Variants in AATF observed in about 807,000 individuals in gnomAD.
The protein encoded by AATF is protein AATF.
A neutral mutation model predicts 63.7 loss-of-function variants in AATF; 48 were observed. The ratio of observed to expected loss-of-function variants is 0.75; its 90% CI spans 0.60 to 0.96. AATF has a LOEUF of 0.96. Ranked by LOEUF, AATF falls within the 40% of genes least tolerant of loss-of-function variation. The pLI, the probability that AATF is intolerant of heterozygous loss-of-function variation, is 0.00. For missense variants in AATF, 639 were observed against 685.7 expected (o/e 0.93, Z 0.76); for synonymous variants, 258 against 247.7 (o/e 1.04, Z -0.39).
intron 11 of AATF, chr17:37,045,714 G>A (rs1167640834): frequency 6.6e-6 from 1 of 152,310 alleles, no homozygotes; most frequent in African/African-American, 2.4e-5. Flanking sequence ...TTCAGGGGAA[G>A]AAATGCAAAC....
intron 11 of AATF, chr17:37,056,174 C>T: frequency 6.2e-6 from 1 of 161,430 alleles, no homozygotes; most frequent in Non-Finnish European, 1.4e-5. Flanking sequence ...AATCGTGTTG[C>T]TGGCTCATTT....
chr17:37,054,460 T>A (rs1174129174), intron 11 of AATF: 1 of 152,230 alleles, frequency 6.6e-6, no homozygotes, highest in Non-Finnish European at 1.5e-5. Context: ...AATAATCCCC[T>A]ATTGATATTC....
In AATF at chr17:37,020,925, AT is replaced by A. The variant is rs150426401; in HGVS notation, c.1467-5del. 2.8e-4 allele frequency: 445 copies of A among 1,608,546 alleles called. 2 individuals are homozygous for A. In the African/African-American group the frequency reaches 5.6e-3, roughly 20 times the overall value. ...TGATGATGCATAACATTGCTTGTGAATTTTCCAGGCAGTGGCTTGCAATCCA... is the reference window on the plus strand; with the variant it reads ...TGATGATGCATAACATTGCTTGTGAATTTCCAGGCAGTGGCTTGCAATCCA... On this transcript the variant is annotated splice_polypyrimidine_tract_variant and splice_region_variant and intron_variant, in intron 9 of 11. Transcript: ENST00000619387.
intron 9 of AATF, 77 bp downstream of exon 9, chr17:37,019,149 C>A: frequency 8.5e-7 from 1 of 1,174,570 alleles, no homozygotes; most frequent in Non-Finnish European, 1.3e-6. Flanking sequence ...TTAATTCTAC[C>A]TGCAAAGCAA....
chr17:36,965,134 C>G (rs1385469125), intron 4 of AATF, among the ~76,000 whole-genome samples: 1 of 152,178 alleles, frequency 6.6e-6, no homozygotes, highest in Non-Finnish European at 1.5e-5. Flanking sequence ...TACTGGTTTC[C>G]TCTTGCTGCT....
chr17:36,958,656 C>G (rs2070921689), intron 4 of AATF, among the ~76,000 whole-genome samples: 1 of 152,154 alleles, frequency 6.6e-6, no homozygotes, highest in Non-Finnish European at 1.5e-5. Context: ...CCTTCACCAG[C>G]TTAAGCAATA....
intron 9 of AATF, among the ~76,000 whole-genome samples, chr17:37,019,489 CTCCACCTCT>C (rs1174573524): frequency 6.6e-6 from 1 of 152,162 alleles, no homozygotes; most frequent in African/African-American, 2.4e-5. Flanking sequence ...TAATTTAGAC[CTCCACCTCT>C]TCAGTAAAAG....
In AATF at chr17:36,988,620, G is replaced by A; in HGVS notation, c.1049G>A (p.Ser350Asn). The A allele has an allele frequency of 3.7e-6, 6 of 1,614,174 alleles. No individual in the cohort carries two copies. Among genetic ancestry groups the A allele is most frequent in the South Asian group, 3.3e-5 (3 of 91,082 alleles). The change falls in exon 6 of 12, where the codon AGC (serine) becomes AAC (asparagine). Residue 350 changes from serine to asparagine, a missense_variant. By Grantham distance (46) the Ser-to-Asn change is conservative (BLOSUM62 1). Transcript: ENST00000619387. ...KRKLEMEDYP[S>N]FMAKRFADFT... Reference sequence around the variant, plus strand: ...AAGCTGGAGATGGAGGACTATCCCAGCTTCATGGCAAAGCGCTTTGCCGAC... The same window carrying A: ...AAGCTGGAGATGGAGGACTATCCCAACTTCATGGCAAAGCGCTTTGCCGAC...
intron 7 of AATF, among the ~76,000 whole-genome samples, chr17:36,990,192 C>T (rs891165132): frequency 3.3e-5 from 5 of 152,054 alleles, no homozygotes; most frequent in Non-Finnish European, 7.4e-5. Context: ...AGTCTTGCAA[C>T]TTTTAAAATC....
chr17:36,989,414 A>C lies in AATF; in HGVS notation c.1314+3A>C. 6.2e-7 allele frequency: 1 copy of C among 1,611,246 alleles called. No homozygotes were observed. Among genetic ancestry groups the C allele is most frequent in the Non-Finnish European group, 8.5e-7 (1 of 1,178,236 alleles). The stretch of plus-strand genomic sequence containing the variant: ...CAGAGAGTTTGCCAGGGGAACCGGT[A>C]AGAACTCTGTAATGCAGAGTGATTA... On this transcript the variant is annotated splice_donor_region_variant and intron_variant, in intron 7 of 11. Coordinates refer to ENST00000619387, the MANE Select transcript of AATF (RefSeq NM_012138.4).
intron 11 of AATF, among the ~76,000 whole-genome samples, chr17:37,046,273 G>T (rs2071689689): frequency 6.6e-6 from 1 of 152,098 alleles, no homozygotes; most frequent in Non-Finnish European, 1.5e-5. Context: ...TCGGGCTCTG[G>T]GGTCCTTCAC....
chr17:37,016,843 C>G (rs1212969835), intron 8 of AATF, among the ~76,000 whole-genome samples: 3 of 151,824 alleles, frequency 2.0e-5, no homozygotes, highest in Non-Finnish European at 4.4e-5. Flanking sequence ...GTTGTTGTTG[C>G]TTTCTTTTTC....
rs777230293 is a variant in AATF, at chr17:36,989,401, C to G, written c.1304C>G (p.Pro435Arg). 41 of 1,611,682 alleles carry G rather than the reference C, an allele frequency of 2.5e-5. No individual in the cohort carries two copies. The highest frequency in any genetic ancestry group is 8.5e-6 in the Non-Finnish European group (10 of 1,178,568). ...PAAQPVPESL[P>R]GEPEILPQAP... ...GCTCAGCCTGTCCCAGAGAGTTTGC[C>G]AGGGGAACCGGTAAGAACTCTGTAA... is the stretch of plus-strand genomic sequence containing the variant. Residue 435 changes from proline (P) to arginine (R), a missense_variant, in exon 7 of 12, where the codon CCA becomes CGA. Physicochemically the swap from Pro to Arg is moderately radical, Grantham distance 103. Transcript: ENST00000619387.
chr17:36,951,603 C>G (rs182490027), intron 2 of AATF, among the ~76,000 whole-genome samples: 13 of 152,264 alleles, frequency 8.5e-5, no homozygotes, highest in African/African-American at 3.1e-4. Context: ...AAATTGGTTA[C>G]ATAAGTTTGC....
At chr17:36,964,555 A>T (rs1338687469) in intron 4 of AATF, among the ~76,000 whole-genome samples, 1 of 152,182 alleles carries the variant, frequency 6.6e-6, no homozygotes, top group South Asian at 2.1e-4. Flanking sequence ...GTGTATTACC[A>T]TGTAAATAAG....
chr17:36,995,301 G>A (rs541083144), intron 8 of AATF, among the ~76,000 whole-genome samples: 1 of 152,296 alleles, frequency 6.6e-6, no homozygotes, highest in East Asian at 1.9e-4. Context: ...GAATTTTTGT[G>A]TCTAAGACAT....
At chr17:36,949,326 G>A in intron 1 of AATF, 110 bp downstream of exon 1, 1 of 1,077,060 alleles carries the variant, frequency 9.3e-7, no homozygotes, top group Non-Finnish European at 1.3e-6. Flanking sequence ...GCGCTCCTTC[G>A]CTTGGCGCAG....
intron 1 of AATF, 79 bp from the exon 2 acceptor site, chr17:36,950,135 A>AC: frequency 6.7e-7 from 1 of 1,497,788 alleles, no homozygotes; most frequent in Non-Finnish European, 9.1e-7. Flanking sequence ...CAACTATGAG[A>AC]TAAATGGGTC....
chr17:36,965,573 A>C (rs2142217747), intron 4 of AATF, among the ~76,000 whole-genome samples: 1 of 152,296 alleles, frequency 6.6e-6, no homozygotes, highest in Non-Finnish European at 1.5e-5. Context: ...TATTCAGCCT[A>C]CTATGTGCCT....
Sources: gnomAD v4.1 joint callset for allele counts (sites outside exome capture counted in the v4.1 genomes callset) on GRCh38, gnomAD v4.1.1 for gene constraint, MANE v1.5 for transcripts, NCBI Gene and HGNC (gene_info 2026-07-23, HGNC 2026-07-21) for gene names.